Variants in EFCAB11 observed in about 807,000 individuals in gnomAD.
EFCAB11 encodes the protein EF-hand calcium-binding domain-containing protein 11.
In EFCAB11, 14 loss-of-function variants were observed where a neutral mutation model predicts 23.0. That is an observed-to-expected ratio of 0.61 (90% CI 0.40 to 0.95). The LOEUF (loss-of-function observed/expected upper bound fraction) is 0.95, where lower values mean the gene tolerates loss of function less well. Ranked by LOEUF, EFCAB11 falls within the 40% of genes least tolerant of loss-of-function variation. The probability of loss-of-function intolerance (pLI) is 0.00; values close to 1 mark genes in which losing one functional copy is unlikely to be tolerated. For synonymous variants in EFCAB11, 65 were observed against 66.6 expected (o/e 0.98, Z 0.11); for missense variants, 198 against 195.8 (o/e 1.01, Z -0.07).
At position 89,933,389 on chromosome 14, in the gene EFCAB11, A is replaced by G. The variant is rs577856746; in HGVS notation, c.218-762T>C. On this transcript the variant is annotated intron_variant, in intron 3 of 5. Transcript: ENST00000316738. ...TATATAAAAAGAGTGGTTCATTTTT[A>G]TAACTCAGAATTTCCATAAAAAAAT... Among the ~76,000 whole-genome samples the G allele has an allele frequency of 5.8e-4, 88 of 151,446 alleles. 1 individual carries two copies. The highest frequency in any genetic ancestry group is 2.1e-3 in the African/African-American group (85 of 41,046).
intron 5 of EFCAB11, among the ~76,000 whole-genome samples, chr14:89,814,187 T>C (rs767472990): frequency 5.5e-4 from 84 of 152,060 alleles, no homozygotes; most frequent in South Asian, 1.7e-3. Flanking sequence ...AGAACAAATG[T>C]CCTGAAGTGA....
At chr14:89,927,943 G>T (rs1425383231) in intron 5 of EFCAB11, among the ~76,000 whole-genome samples, 1 of 152,116 alleles carries the variant, frequency 6.6e-6, no homozygotes, top group Non-Finnish European at 1.5e-5. Context: ...GGCTGGTCTG[G>T]AACTCCTGAC....
At chr14:89,894,050 G>A (rs1889078912) in intron 5 of EFCAB11, among the ~76,000 whole-genome samples, 1 of 151,798 alleles carries the variant, frequency 6.6e-6, no homozygotes, top group African/African-American at 2.4e-5. Context: ...CGCGATCTCG[G>A]CTCACTGCAA....
chr14:89,948,958 A>G (rs1253054747), intron 3 of EFCAB11, among the ~76,000 whole-genome samples: 1 of 152,194 alleles, frequency 6.6e-6, no homozygotes, highest in Non-Finnish European at 1.5e-5. Flanking sequence ...ACTTAATTGT[A>G]CATTAAAAAA....
intron 5 of EFCAB11, among the ~76,000 whole-genome samples, chr14:89,825,419 A>C (rs1373127331): frequency 6.6e-6 from 1 of 152,144 alleles, no homozygotes; most frequent in Non-Finnish European, 1.5e-5. Flanking sequence ...CATCCACCTT[A>C]AGAAGACAGA....
At chr14:89,938,884 A>G (rs1890684613) in intron 3 of EFCAB11, among the ~76,000 whole-genome samples, 1 of 151,536 alleles carries the variant, frequency 6.6e-6, no homozygotes, top group African/African-American at 2.4e-5. Flanking sequence ...GGTTGCAGTG[A>G]GCCAAGACCG....
In EFCAB11 at chr14:89,896,124, G is replaced by A. The variant is rs147976340; in HGVS notation, c.410+35417C>T. Reference sequence around the variant, plus strand: ...CTGGCGGCCGGGCGCGGTGGCTCACGCCTGTAATCCCAGCACTTTCGGAGG... The same window carrying A: ...CTGGCGGCCGGGCGCGGTGGCTCACACCTGTAATCCCAGCACTTTCGGAGG... On this transcript the variant is annotated intron_variant, in intron 5 of 5. Transcript: ENST00000316738. Among the ~76,000 whole-genome samples the A allele has an allele frequency of 1.8e-3, 280 of 152,276 alleles. 1 individual carries two copies. The highest frequency in any genetic ancestry group is 6.3e-3 in the African/African-American group (261 of 41,570).
chr14:89,912,542 T>C (rs561094114), intron 5 of EFCAB11, among the ~76,000 whole-genome samples: 3 of 152,248 alleles, frequency 2.0e-5, no homozygotes, highest in Non-Finnish European at 2.9e-5. Context: ...TCTATTGAAA[T>C]ATCTGTACAT....
At chr14:89,915,331 G>A (rs1889807088) in intron 5 of EFCAB11, among the ~76,000 whole-genome samples, 2 of 152,162 alleles carry the variant, frequency 1.3e-5, no homozygotes, top group Non-Finnish European at 2.9e-5. Context: ...TAGAAAATGC[G>A]ATAATTTGGG....
At chr14:89,940,605 T>G (rs1596467688) in intron 3 of EFCAB11, among the ~76,000 whole-genome samples, 1 of 152,318 alleles carries the variant, frequency 6.6e-6, no homozygotes, top group South Asian at 2.1e-4. Flanking sequence ...TTTCCATCAT[T>G]CAAAGTTGAG....
At chr14:89,867,842 G>A (rs1352044078) in intron 5 of EFCAB11, among the ~76,000 whole-genome samples, 1 of 152,172 alleles carries the variant, frequency 6.6e-6, no homozygotes, top group Non-Finnish European at 1.5e-5. Context: ...GAGGACACTG[G>A]GAACCCCTGT....
At chr14:89,802,008 T>G (rs548246066) in intron 5 of EFCAB11, among the ~76,000 whole-genome samples, 1 of 150,042 alleles carries the variant, frequency 6.7e-6, no homozygotes, top group African/African-American at 2.5e-5. Flanking sequence ...AAAAAAAAAA[T>G]GTAAATAGTC....
At chr14:89,825,223 C>T (rs1320176613) in intron 5 of EFCAB11, among the ~76,000 whole-genome samples, 1 of 149,518 alleles carries the variant, frequency 6.7e-6, no homozygotes, top group East Asian at 2.0e-4. Flanking sequence ...GGAAATTAAA[C>T]AGTACATTTC....
intron 5 of EFCAB11, among the ~76,000 whole-genome samples, chr14:89,863,818 T>C (rs1888003845): frequency 6.6e-6 from 1 of 152,218 alleles, no homozygotes; most frequent in African/African-American, 2.4e-5. Context: ...TTTGAAGTAT[T>C]TCTGAAGAAT....
chr14:89,828,759 C>T (rs528250607), intron 5 of EFCAB11, among the ~76,000 whole-genome samples: 39 of 152,208 alleles, frequency 2.6e-4, no homozygotes, highest in Middle Eastern at 3.4e-3. Flanking sequence ...TAGGGCTTTA[C>T]GGGCTTAATA....
chr14:89,871,614 C>T (rs1157597742), intron 5 of EFCAB11, among the ~76,000 whole-genome samples: 2 of 152,178 alleles, frequency 1.3e-5, no homozygotes, highest in Admixed American at 6.5e-5. Context: ...ATAATTTGCA[C>T]CTTTTCCTCC....
intron 5 of EFCAB11, among the ~76,000 whole-genome samples, chr14:89,872,072 C>A (rs527503626): frequency 6.6e-6 from 1 of 152,126 alleles, no homozygotes. Flanking sequence ...ATCATCCATC[C>A]CTTTAAGAAA....
chr14:89,816,129 T>C (rs1886329847), intron 5 of EFCAB11, among the ~76,000 whole-genome samples: 3 of 152,164 alleles, frequency 2.0e-5, no homozygotes, highest in Admixed American at 1.3e-4. Flanking sequence ...CTAGGTATTT[T>C]ATATTTTTTT....
chr14:89,843,416 T>G (rs1431206996), intron 5 of EFCAB11, among the ~76,000 whole-genome samples: 1 of 152,242 alleles, frequency 6.6e-6, no homozygotes. Context: ...TTATGTGTAT[T>G]CCCTAATAAA....
Sources: allele counts gnomAD v4.1 joint callset (sites outside exome capture counted in the v4.1 genomes callset), GRCh38; gene constraint gnomAD v4.1.1; transcripts MANE v1.5; gene names NCBI Gene and HGNC (gene_info 2026-07-23, HGNC 2026-07-21).